The following MPV17 variants were observed in gnomAD, a reference collection of about 807,000 sequenced individuals.
MPV17 encodes the protein mitochondrial inner membrane protein MPV17.
In MPV17, 31 loss-of-function variants were observed where a neutral mutation model predicts 28.6. The observed-to-expected ratio is 1.08, with a 90% CI of 0.81 to 1.46. The LOEUF (loss-of-function observed/expected upper bound fraction) is 1.46. Among genes scored for constraint, MPV17 ranks in the 40% most tolerant of loss-of-function variants. The pLI, the probability that MPV17 is intolerant of heterozygous loss-of-function variation, is 0.00. For synonymous variants in MPV17, 87 were observed against 85.3 expected (o/e 1.02, Z -0.11); for missense variants, 198 against 216.2 (o/e 0.92, Z 0.53).
intron 3 of MPV17, 71 bp downstream of exon 3, chr2:27,312,923 G>A (rs1166044603): frequency 1.3e-6 from 2 of 1,576,806 alleles, no homozygotes; most frequent in East Asian, 2.2e-5. Flanking sequence ...GAGTCCAAGG[G>A]AAGCCAAAGG....
intron 3 of MPV17, 107 bp from the exon 4 acceptor site, chr2:27,312,879 GA>G (rs1558599809): frequency 6.5e-7 from 1 of 1,541,236 alleles, no homozygotes; most frequent in Non-Finnish European, 9.0e-7. Context: ...TGGACACTAA[GA>G]AAAAAGAGGG....
chr2:27,322,493 G>A lies in MPV17; in HGVS notation c.25C>T (p.Arg9Trp). Residue 9 changes from arginine to tryptophan, a missense_variant, in exon 2 of 8, where the codon CGG (arginine) becomes TGG (tryptophan). By Grantham distance (101) the Arg-to-Trp change is moderately radical. Transcript: ENST00000380044. ...TTCCACGGGTGAGCGGCCAGGGCCC[G>A]CTGGTATGCCCGCCAGAGTGCCATG... MALWRAYQ[R>W]ALAAHPWKVQ... 1 of 1,614,046 alleles carries A rather than the reference G, an allele frequency of 6.2e-7. No individual in the cohort carries two copies. The highest frequency in any genetic ancestry group is 8.5e-7 in the Non-Finnish European group (1 of 1,180,038).
At chr2:27,319,839 T>C (rs1472630016) in intron 2 of MPV17, among the ~76,000 whole-genome samples, 4 of 150,634 alleles carry the variant, frequency 2.7e-5, no homozygotes, top group Non-Finnish European at 4.4e-5. Context: ...CGCATGATAA[T>C]TGCTTGAACC....
chr2:27,321,494 C>G (rs1280422812), intron 2 of MPV17, among the ~76,000 whole-genome samples: 1 of 152,230 alleles, frequency 6.6e-6, no homozygotes, highest in Non-Finnish European at 1.5e-5. Flanking sequence ...TAGTCCTCTT[C>G]TCAGAAGGCC....
Position 27,322,525 on chromosome 2 carries a change from G to T in MPV17, c.-5-3C>A. On this transcript the variant is annotated splice_region_variant and splice_polypyrimidine_tract_variant and intron_variant, in intron 1 of 7. Coordinates refer to ENST00000380044, the MANE Select transcript of MPV17 (RefSeq NM_002437.5). ...TGCCCGCCAGAGTGCCATGCTTCCT[G>T]TCAAGCCAAGAGGAGAGGGGGTCAC... 1 of 1,613,774 alleles carries T rather than the reference G, an allele frequency of 6.2e-7. No individual in the cohort carries two copies. The highest frequency in any genetic ancestry group is 8.5e-7 in the Non-Finnish European group (1 of 1,179,942).
Position 27,309,810 on chromosome 2 carries a change from C to T in MPV17, c.*102G>A, listed in dbSNP as rs1679358707. 1 of 954,146 alleles carries T rather than the reference C, an allele frequency of 1.0e-6. No individual in the cohort carries two copies. The highest frequency in any genetic ancestry group is 1.7e-6 in the Non-Finnish European group (1 of 592,362). The allele number at this position is 954,146 out of a possible 1,614,324, so 59.1% of individuals were successfully genotyped here. A position where few individuals can be genotyped will look rare whatever the true frequency, so the allele number is the denominator to read the frequency against. On this transcript the variant is annotated 3_prime_UTR_variant, in exon 8 of 8. Transcript: ENST00000380044. ...GTCCTCTTAAGCTCTGACCGGCAAC[C>T]CAACCCCGTGGAAACTGGTATGCCC...
At chr2:27,322,714 G>A (rs900522767) in intron 1 of MPV17, 192 bp from the exon 2 acceptor site, 2 of 613,228 alleles carry the variant, frequency 3.3e-6, no homozygotes, top group Non-Finnish European at 5.8e-6. Flanking sequence ...TTGGGGAAGA[G>A]AGAAAGGCTG....
intron 6 of MPV17, 87 bp from the exon 7 acceptor site, chr2:27,312,038 C>T: frequency 6.5e-7 from 1 of 1,532,122 alleles, no homozygotes; most frequent in African/African-American, 1.4e-5. Context: ...CCAACTTCTG[C>T]ACACAAGAAA....
intron 2 of MPV17, among the ~76,000 whole-genome samples, chr2:27,313,952 TCTG>T (rs1679554089): frequency 6.6e-6 from 1 of 152,180 alleles, no homozygotes; most frequent in African/African-American, 2.4e-5. Context: ...CCTCAGGTGA[TCTG>T]CTCACCTCGG....
chr2:27,315,905 T>C, intron 2 of MPV17: 1 of 1,428,420 alleles, frequency 7.0e-7, no homozygotes, highest in Non-Finnish European at 9.1e-7. Flanking sequence ...TGAGATGACT[T>C]GGTAAGGAGT....
chr2:27,312,841 C>T, intron 3 of MPV17, 69 bp from the exon 4 acceptor site: 2 of 1,561,416 alleles, frequency 1.3e-6, no homozygotes, highest in African/African-American at 1.4e-5. Flanking sequence ...CACTAAGCTC[C>T]CTGCCCCAAG....
intron 2 of MPV17, among the ~76,000 whole-genome samples, chr2:27,321,808 T>C (rs1330719558): frequency 6.6e-6 from 1 of 152,128 alleles, no homozygotes; most frequent in Non-Finnish European, 1.5e-5. Context: ...ACCTTGGAGA[T>C]ACATATTTAG....
At chr2:27,311,975 G>A in intron 6 of MPV17, 24 bp from the exon 7 acceptor site, 1 of 1,611,658 alleles carries the variant, frequency 6.2e-7, no homozygotes, top group Non-Finnish European at 8.5e-7. Context: ...TGTAAAGGTT[G>A]GATGGCTGCC....
intron 5 of MPV17, 37 bp from the exon 6 acceptor site, chr2:27,312,283 C>T: frequency 6.2e-7 from 1 of 1,610,866 alleles, no homozygotes; most frequent in Non-Finnish European, 8.5e-7. Flanking sequence ...AACACTTGCG[C>T]CTCCAAGCAG....
At chr2:27,312,154 C>A in intron 6 of MPV17, 60 bp downstream of exon 6, 1 of 1,582,804 alleles carries the variant, frequency 6.3e-7, no homozygotes, top group Non-Finnish European at 8.7e-7. Context: ...CCCCCCAATC[C>A]CAGGACAGTT....
intron 2 of MPV17, chr2:27,315,881 G>A: frequency 7.2e-7 from 1 of 1,383,260 alleles, no homozygotes; most frequent in Non-Finnish European, 9.3e-7. Context: ...ATTTAATGAT[G>A]AGTCTTTGAG....
At chr2:27,320,585 C>T (rs550754382) in intron 2 of MPV17, among the ~76,000 whole-genome samples, 7 of 152,248 alleles carry the variant, frequency 4.6e-5, no homozygotes, top group African/African-American at 7.2e-5. Context: ...CTGCCCACCT[C>T]GGCGTCCCAA....
At position 27,317,172 on chromosome 2, in the gene MPV17, G is replaced by A; in HGVS notation, c.71-4063C>T. 1 of 1,550,336 alleles carries A rather than the reference G, an allele frequency of 6.5e-7. No homozygotes were observed. The highest frequency in any genetic ancestry group is 8.7e-7 in the Non-Finnish European group (1 of 1,146,894). ...GGAAGCGTGTCCTTCAGTCCAGGAGGCCTGGGTCGGCAGGTATAGCTACTG... is the reference window on the plus strand; with the variant it reads ...GGAAGCGTGTCCTTCAGTCCAGGAGACCTGGGTCGGCAGGTATAGCTACTG... On this transcript the variant is annotated intron_variant, in intron 2 of 7. Transcript: ENST00000380044. This position sits in a 1 kb window ranked among gnomAD's most constrained non-coding sequence, Gnocchi z 4.0.
At chr2:27,312,912 A>C in intron 3 of MPV17, 82 bp downstream of exon 3, 2 of 1,561,166 alleles carry the variant, frequency 1.3e-6, no homozygotes, top group East Asian at 4.5e-5. Context: ...CTTAGGTGTG[A>C]GAGTCCAAGG....
Sources: allele counts gnomAD v4.1 joint callset (sites outside exome capture counted in the v4.1 genomes callset), GRCh38; gene constraint gnomAD v4.1.1; non-coding constraint Gnocchi (gnomAD v3.1); transcripts MANE v1.5; gene names NCBI Gene and HGNC (gene_info 2026-07-23, HGNC 2026-07-21).